ADAM32: variants seen among roughly 807,000 people sequenced by gnomAD.
The protein encoded by ADAM32 is disintegrin and metalloproteinase domain-containing protein 32.
In ADAM32, 89 loss-of-function variants were observed where a neutral mutation model predicts 114.9. The observed-to-expected ratio is 0.77, with a 90% CI of 0.65 to 0.92. The LOEUF is 0.92. ADAM32 is among the 40% of genes least tolerant of loss of function. ADAM32 has a pLI of 0.00. For synonymous variants in ADAM32, 285 were observed against 307.5 expected (o/e 0.93, Z 0.77); for missense variants, 870 against 932.8 (o/e 0.93, Z 0.88).
rs1368149513 is a variant in ADAM32 at position 39,211,202 on chromosome 8, A to G, written c.1111A>G (p.Ile371Val). Residue 371 changes from isoleucine (I) to valine (V), a missense_variant, in exon 12 of 25, where the codon ATT (isoleucine) becomes GTT (valine). Transcript: ENST00000379907. ...CAGTTTGAGGAGCTTTCAAAATTTCATTTCAAATGTGGGTGTCAAATGTCT... is the reference window on the plus strand; with the variant it reads ...CAGTTTGAGGAGCTTTCAAAATTTCGTTTCAAATGTGGGTGTCAAATGTCT... ...SCSLRSFQNF[I>V]SNVGVKCLQN... 3 of 1,606,636 alleles carry G rather than the reference A, an allele frequency of 1.9e-6. No homozygotes were observed. The highest frequency in any genetic ancestry group is 1.3e-5 in the African/African-American group (1 of 74,668).
Position 39,120,245 on chromosome 8 carries a change from G to T in ADAM32, c.138+2080G>T, listed in dbSNP as rs76014605. 2.9e-3 allele frequency among the ~76,000 whole-genome samples: 437 copies of T among 152,330 alleles called. 6 individuals carry two copies. Among genetic ancestry groups the T allele is most frequent in the African/African-American group, 0.01 (417 of 41,570 alleles). ...GTAACAAATACCTAAAAATGTTGAA[G>T]TGGATTTGGAACTGAGTGAAGGGTA... is the stretch of plus-strand genomic sequence containing the variant. On this transcript the variant is annotated intron_variant, in intron 2 of 24. Transcript: ENST00000379907.
At chr8:39,126,215 T>C (rs1167777170) in intron 2 of ADAM32, among the ~76,000 whole-genome samples, 1 of 152,216 alleles carries the variant, frequency 6.6e-6, no homozygotes, top group Non-Finnish European at 1.5e-5. Flanking sequence ...AGAATGTCAA[T>C]GGTAGTGTAA....
At chr8:39,128,616 G>T (rs866992151) in intron 2 of ADAM32, among the ~76,000 whole-genome samples, 98 of 152,130 alleles carry the variant, frequency 6.4e-4, no homozygotes, top group African/African-American at 2.3e-3. Flanking sequence ...TAGTGTCACT[G>T]GTCTGTGTAC....
At chr8:39,143,243 T>A (rs1803286636) in intron 3 of ADAM32, among the ~76,000 whole-genome samples, 1 of 152,214 alleles carries the variant, frequency 6.6e-6, no homozygotes, top group Non-Finnish European at 1.5e-5. Flanking sequence ...CCAATTTTGT[T>A]CCCTGGCTGG....
At chr8:39,222,024 GT>G (rs768933118) in intron 13 of ADAM32, among the ~76,000 whole-genome samples, 3 of 151,870 alleles carry the variant, frequency 2.0e-5, no homozygotes. Context: ...AAATAAAAAC[GT>G]TTTTATGGGT....
At chr8:39,109,542 C>T (rs897707168) in intron 1 of ADAM32, among the ~76,000 whole-genome samples, 2 of 151,858 alleles carry the variant, frequency 1.3e-5, no homozygotes, top group Admixed American at 6.6e-5. Context: ...AGCAAAACTC[C>T]ATCTCAAAAA....
chr8:39,126,361 G>A (rs994788566), intron 2 of ADAM32, among the ~76,000 whole-genome samples: 5 of 152,112 alleles, frequency 3.3e-5, no homozygotes, highest in Non-Finnish European at 7.4e-5. Flanking sequence ...TTGAGGAGTG[G>A]TTTGTAGTTC....
chr8:39,274,234 A>G, intron 20 of ADAM32, 78 bp from the exon 21 acceptor site: 1 of 1,347,636 alleles, frequency 7.4e-7, no homozygotes, highest in Middle Eastern at 1.8e-4. Context: ...CTAATTATAA[A>G]ATGGCCTGAT....
In ADAM32 at chr8:39,211,196, A is replaced by C. The variant is rs1808186385; in HGVS notation, c.1105A>C (p.Asn369His). The C allele has an allele frequency of 6.2e-7, 1 of 1,606,006 alleles. No individual in the cohort carries two copies. The highest frequency in any genetic ancestry group is 1.3e-5 in the African/African-American group (1 of 74,588). Residue 369 changes from asparagine to histidine, a missense_variant, in exon 12 of 25, where the codon AAT becomes CAT. Coordinates refer to ENST00000379907, the MANE Select transcript of ADAM32 (RefSeq NM_145004.7). ...FSSCSLRSFQ[N>H]FISNVGVKCL... Reference sequence around the variant, plus strand: ...CAGTTGCAGTTTGAGGAGCTTTCAAAATTTCATTTCAAATGTGGGTGTCAA... The same window carrying C: ...CAGTTGCAGTTTGAGGAGCTTTCAACATTTCATTTCAAATGTGGGTGTCAA...
intron 20 of ADAM32, 64 bp from the exon 21 acceptor site, chr8:39,274,248 C>A: frequency 6.7e-7 from 1 of 1,491,934 alleles, no homozygotes; most frequent in South Asian, 1.2e-5. Flanking sequence ...GCCTGATTTT[C>A]ATTCATGAAG....
chr8:39,205,349 G>A (rs202118066), intron 11 of ADAM32, among the ~76,000 whole-genome samples: 9 of 152,294 alleles, frequency 5.9e-5, no homozygotes, highest in South Asian at 2.1e-4. Flanking sequence ...CCCCAGCCTC[G>A]CTGCCACCTT....
intron 2 of ADAM32, among the ~76,000 whole-genome samples, chr8:39,135,012 A>G (rs1365897490): frequency 6.6e-6 from 1 of 152,108 alleles, no homozygotes; most frequent in Non-Finnish European, 1.5e-5. Flanking sequence ...AAGATTAGCC[A>G]GGCGTGGTGG....
At chr8:39,194,505 T>C (rs1806827255) in intron 11 of ADAM32, among the ~76,000 whole-genome samples, 1 of 151,984 alleles carries the variant, frequency 6.6e-6, no homozygotes. Context: ...TGGGTGAGTG[T>C]GTATAGGTAA....
At chr8:39,151,651 A>T in intron 6 of ADAM32, 103 bp downstream of exon 6, 1 of 797,628 alleles carries the variant, frequency 1.3e-6, no homozygotes, top group Non-Finnish European at 1.8e-6. Flanking sequence ...TGTAGCAAAT[A>T]TCCTTTCCTT....
chr8:39,270,823 A>G (rs1377227798), intron 19 of ADAM32, 53 bp from the exon 20 acceptor site: 1 of 1,421,700 alleles, frequency 7.0e-7, no homozygotes, highest in African/African-American at 1.4e-5. Flanking sequence ...TTAATTCATG[A>G]AGTTGGCAAG....
intron 10 of ADAM32, among the ~76,000 whole-genome samples, chr8:39,173,751 G>C (rs908323191): frequency 9.2e-5 from 14 of 152,076 alleles, no homozygotes; most frequent in Non-Finnish European, 1.9e-4. Context: ...CCTCTGTCCT[G>C]AATGACGTTG....
intron 14 of ADAM32, among the ~76,000 whole-genome samples, chr8:39,228,524 A>G (rs562833610): frequency 6.6e-6 from 1 of 152,320 alleles, no homozygotes; most frequent in African/African-American, 2.4e-5. Context: ...CACTGTTAGA[A>G]ATGCAAAATC....
chr8:39,156,360 G>A (rs1397276307), intron 6 of ADAM32, among the ~76,000 whole-genome samples: 5 of 152,184 alleles, frequency 3.3e-5, no homozygotes, highest in South Asian at 2.1e-4. Flanking sequence ...GCCCAGGCTA[G>A]TCTCAAACTC....
chr8:39,254,673 C>T (rs1811528904), intron 18 of ADAM32, among the ~76,000 whole-genome samples, 157 bp downstream of exon 18: 1 of 151,714 alleles, frequency 6.6e-6, no homozygotes, highest in African/African-American at 2.4e-5. Flanking sequence ...AACATGCCAT[C>T]TTAATCTTGC....
Sources: gnomAD v4.1 joint callset for allele counts (sites outside exome capture counted in the v4.1 genomes callset) on GRCh38, gnomAD v4.1.1 for gene constraint, MANE v1.5 for transcripts, NCBI Gene and HGNC (gene_info 2026-07-23, HGNC 2026-07-21) for gene names.